The following MAPK10 variants were observed in gnomAD, a reference collection of about 807,000 sequenced individuals.
MAPK10 encodes JNK3 alpha protein kinase.
In MAPK10, 25 loss-of-function variants were observed where a neutral mutation model predicts 59.3. The ratio of observed to expected loss-of-function variants is 0.42; its 90% CI spans 0.31 to 0.59. MAPK10 has a LOEUF of 0.59. Ranked by LOEUF, MAPK10 falls within the 20% of genes least tolerant of loss-of-function variation. MAPK10 has a pLI of 0.15. For missense variants in MAPK10, 351 were observed against 568.9 expected, an observed-to-expected ratio of 0.62 and a Z score of 3.90; for synonymous variants, 190 against 200.5, an observed-to-expected ratio of 0.95 and a Z score of 0.44.
intron 1 of MAPK10, among the ~76,000 whole-genome samples, chr4:86,532,019 G>A (rs1757886809): frequency 1.3e-5 from 2 of 149,664 alleles, no homozygotes; most frequent in Non-Finnish European, 3.0e-5. Context: ...TGAGACCTCT[G>A]TCTCTAAATT....
intron 4 of MAPK10, among the ~76,000 whole-genome samples, chr4:86,156,075 T>G (rs2067682175): frequency 6.6e-6 from 1 of 152,018 alleles, no homozygotes; most frequent in Admixed American, 6.6e-5. Flanking sequence ...TTTCTGGAAT[T>G]TTTCATTTAA....
intron 1 of MAPK10, among the ~76,000 whole-genome samples, chr4:86,503,116 T>C (rs540705136): frequency 6.6e-6 from 1 of 152,254 alleles, no homozygotes; most frequent in Non-Finnish European, 1.5e-5. Context: ...AGCCATGTCA[T>C]CCAAAGTTAA....
At chr4:86,275,723 T>C (rs1170953517) in intron 2 of MAPK10, among the ~76,000 whole-genome samples, 1 of 152,066 alleles carries the variant, frequency 6.6e-6, no homozygotes, top group African/African-American at 2.4e-5. Flanking sequence ...CAACCAATAA[T>C]ATGTGTTCTA....
intron 1 of MAPK10, among the ~76,000 whole-genome samples, chr4:86,517,060 G>A (rs868606421): frequency 6.6e-6 from 1 of 152,054 alleles, no homozygotes. Context: ...GTCATAGATG[G>A]CTTTTATTAC....
At chr4:86,271,816 G>T (rs2094442453) in intron 2 of MAPK10, among the ~76,000 whole-genome samples, 1 of 152,012 alleles carries the variant, frequency 6.6e-6, no homozygotes, top group African/African-American at 2.4e-5. Flanking sequence ...CACTATCATA[G>T]GAACAGCAGC....
chr4:86,354,287 G>T (rs1451187560), intron 2 of MAPK10, among the ~76,000 whole-genome samples: 1 of 152,016 alleles, frequency 6.6e-6, no homozygotes, highest in African/African-American at 2.4e-5. Flanking sequence ...TATCATCCAT[G>T]GTGGTAGTAT....
chr4:86,487,384 T>TGTGTAG (rs60716642), intron 1 of MAPK10, among the ~76,000 whole-genome samples: 4 of 148,350 alleles, frequency 2.7e-5, no homozygotes, highest in Non-Finnish European at 3.0e-5. Flanking sequence ...TGTGTGTGTG[T>TGTGTAG]AGAGAGAGAA....
intron 2 of MAPK10, among the ~76,000 whole-genome samples, chr4:86,206,504 A>C (rs1300465240): frequency 2.0e-5 from 3 of 152,102 alleles, no homozygotes; most frequent in African/African-American, 7.2e-5. Flanking sequence ...TGCAATAAAC[A>C]TACGTGTGCA....
At position 86,445,292 on chromosome 4, in the gene MAPK10, C is replaced by T. The variant is rs1579247872; in HGVS notation, c.-122+7738G>A. On this transcript the variant is annotated intron_variant, in intron 1 of 13. Transcript: ENST00000361569. ...CAGGGACATGAATGGAGCTGGAAGC[C>T]ATTATCCTCAGCAAACTAATGCAGG... 2.0e-5 allele frequency among the ~76,000 whole-genome samples: 3 copies of T among 152,234 alleles called. No homozygotes were observed. The East Asian group carries it at 5.8e-4, about 29-fold the overall frequency.
intron 1 of MAPK10, among the ~76,000 whole-genome samples, chr4:86,403,557 C>T (rs1743983901): frequency 6.6e-6 from 1 of 151,988 alleles, no homozygotes; most frequent in Non-Finnish European, 1.5e-5. Context: ...AAACCTGAGA[C>T]TGGGTAATTT....
intron 2 of MAPK10, among the ~76,000 whole-genome samples, chr4:86,289,640 ATAT>A (rs1293987607): frequency 2.7e-5 from 4 of 149,790 alleles, no homozygotes; most frequent in African/African-American, 9.7e-5. Context: ...AAATATATTA[ATAT>A]TATATGTATG....
At chr4:86,305,842 A>G (rs2095558173) in intron 2 of MAPK10, among the ~76,000 whole-genome samples, 1 of 152,118 alleles carries the variant, frequency 6.6e-6, no homozygotes, top group Non-Finnish European at 1.5e-5. Flanking sequence ...AAAAAATCAA[A>G]ACAGACAATC....
chr4:86,577,318 T>A lies in MAPK10; in HGVS notation c.-263+16592A>T, dbSNP rs186069887. 4.2e-4 allele frequency among the ~76,000 whole-genome samples: 64 copies of A among 151,918 alleles called. No individual in the cohort carries two copies. The East Asian group carries it at 8.9e-3, about 21-fold the overall frequency. ...AGAGAAAGACCTTGTCTCAAAAAAA[T>A]TTTTTTTAATTAAAAAGAAAGATGT... On this transcript the variant is annotated intron_variant, in intron 1 of 4. Transcript: ENST00000502302.
At chr4:86,500,277 A>C (rs1255198865) in intron 1 of MAPK10, among the ~76,000 whole-genome samples, 1 of 152,198 alleles carries the variant, frequency 6.6e-6, no homozygotes, top group African/African-American at 2.4e-5. Context: ...GGAGAAGCAG[A>C]TCAGCTTATT....
At chr4:86,462,037 T>C (rs1298122262) in intron 1 of MAPK10, among the ~76,000 whole-genome samples, 3 of 152,200 alleles carry the variant, frequency 2.0e-5, no homozygotes, top group Non-Finnish European at 4.4e-5. Context: ...AACTGGGGCA[T>C]TTCCAGCTCA....
intron 4 of MAPK10, among the ~76,000 whole-genome samples, chr4:86,133,907 T>A (rs1304395236): frequency 1.3e-5 from 2 of 152,178 alleles, no homozygotes; most frequent in Non-Finnish European, 2.9e-5. Flanking sequence ...AAATATGTAA[T>A]CTTAGAATGG....
intron 1 of MAPK10, among the ~76,000 whole-genome samples, chr4:86,571,152 G>A (rs1476788268): frequency 2.0e-5 from 3 of 146,970 alleles, no homozygotes; most frequent in Non-Finnish European, 3.0e-5. Context: ...AAGTTGTATT[G>A]TTTTATATAA....
At chr4:86,567,992 A>G (rs1761182864) in intron 1 of MAPK10, among the ~76,000 whole-genome samples, 1 of 152,218 alleles carries the variant, frequency 6.6e-6, no homozygotes, top group African/African-American at 2.4e-5. Flanking sequence ...AAACTGAAAA[A>G]GAGACAGTCG....
chr4:86,283,287 C>T (rs948289570), intron 2 of MAPK10, among the ~76,000 whole-genome samples: 3 of 152,112 alleles, frequency 2.0e-5, no homozygotes, highest in Admixed American at 2.0e-4. Flanking sequence ...CAAAACTCAT[C>T]TGGAAAACCA....
Sources: allele counts gnomAD v4.1 joint callset (sites outside exome capture counted in the v4.1 genomes callset), GRCh38; gene constraint gnomAD v4.1.1; transcripts MANE v1.5; gene names NCBI Gene and HGNC (gene_info 2026-07-23, HGNC 2026-07-21).